The following ACACB variants were observed in gnomAD, a reference collection of about 807,000 sequenced individuals.
The protein encoded by ACACB is acetyl-CoA carboxylase beta.
Under a neutral mutation model 278.8 loss-of-function variants are expected in ACACB, and 209 were observed. That is an observed-to-expected ratio of 0.75 (90% CI 0.67 to 0.84). The LOEUF (loss-of-function observed/expected upper bound fraction) is 0.84, where lower values mean the gene tolerates loss of function less well. Among genes scored for constraint, ACACB ranks in the 40% least tolerant of loss-of-function variants. The pLI, the probability that ACACB is intolerant of heterozygous loss-of-function variation, is 0.00. For missense variants in ACACB, 2,850 were observed against 3,269.0 expected (o/e 0.87, Z 3.13); for synonymous variants, 1,174 against 1,285.6 (o/e 0.91, Z 1.86).
chr12:109,200,773 G>A (rs2045306886), intron 18 of ACACB, among the ~76,000 whole-genome samples: 1 of 152,150 alleles, frequency 6.6e-6, no homozygotes. Flanking sequence ...AACAATAATA[G>A]CAATGAAAAT....
In ACACB at chr12:109,139,545, C is replaced by A. The variant is rs531976358; in HGVS notation, c.140C>A (p.Pro47His). Reference protein sequence around the residue: ...SEANLIPSQEPFPASDNSGET... With the variant: ...SEANLIPSQEHFPASDNSGET... ...GCAAACCTCATCCCGAGCCAGGAGC[C>A]CTTTCCAGCCTCTGATAACTCAGGG... The change falls in exon 2 of 53, where the codon CCC becomes CAC. Residue 47 changes from proline (P) to histidine (H), a missense_variant. Pro to His is a moderately conservative substitution (Grantham distance 77). Around this residue, in one of 3 missense-constraint regions of ACACB, gnomAD observed 2,265 missense variants for 2,561.3 expected, o/e 0.88. Coordinates refer to ENST00000338432, the MANE Select transcript of ACACB (RefSeq NM_001093.4). The A allele has an allele frequency of 4.5e-5, 72 of 1,614,110 alleles. No individual in the cohort carries two copies. Among genetic ancestry groups the A allele is most frequent in the Non-Finnish European group, 5.9e-5 (70 of 1,180,016 alleles).
intron 1 of ACACB, among the ~76,000 whole-genome samples, chr12:109,136,809 C>T (rs1173168757): frequency 6.6e-6 from 1 of 152,124 alleles, no homozygotes; most frequent in Non-Finnish European, 1.5e-5. Context: ...GGTGGCTTTA[C>T]TTCTTCCTTC....
intron 28 of ACACB, among the ~76,000 whole-genome samples, chr12:109,232,463 T>C (rs1168090815): frequency 1.3e-5 from 2 of 152,204 alleles, no homozygotes; most frequent in African/African-American, 2.4e-5. Flanking sequence ...TGTTGAGCTC[T>C]TACTCTTCAC....
At chr12:109,122,755 C>T (rs1409733911) in intron 1 of ACACB, among the ~76,000 whole-genome samples, 1 of 151,900 alleles carries the variant, frequency 6.6e-6, no homozygotes, top group Non-Finnish European at 1.5e-5. Context: ...TTAACACCTT[C>T]AGAAGCAGAG....
chr12:109,211,449 C>T (rs1404356201), intron 21 of ACACB, among the ~76,000 whole-genome samples: 1 of 142,524 alleles, frequency 7.0e-6, no homozygotes, highest in East Asian at 2.1e-4. Context: ...GATGGGTTTT[C>T]ACCATGTTGG....
intron 2 of ACACB, among the ~76,000 whole-genome samples, chr12:109,153,637 T>A (rs910597297): frequency 2.0e-5 from 3 of 152,214 alleles, no homozygotes; most frequent in Admixed American, 2.0e-4. Context: ...TTGCATTTAT[T>A]ACATTACTTG....
At chr12:109,212,519 T>C (rs1218263961) in intron 21 of ACACB, among the ~76,000 whole-genome samples, 2 of 151,978 alleles carry the variant, frequency 1.3e-5, no homozygotes, top group Non-Finnish European at 2.9e-5. Flanking sequence ...GGCCTTAGAT[T>C]ATCGTAACGA....
intron 2 of ACACB, among the ~76,000 whole-genome samples, chr12:109,158,034 A>G (rs1377774133): frequency 6.6e-6 from 1 of 152,110 alleles, no homozygotes; most frequent in African/African-American, 2.4e-5. Context: ...GATTTTTGAA[A>G]AATCTGGATG....
At chr12:109,112,374 G>A (rs190169617), upstream of ACACB, among the ~76,000 whole-genome samples, 1 of 151,658 alleles carries the variant, frequency 6.6e-6, no homozygotes, top group East Asian at 1.9e-4. Context: ...CTGGGTCCAT[G>A]ACCCTCCAAA....
At chr12:109,158,240 T>G (rs2043605988) in intron 2 of ACACB, among the ~76,000 whole-genome samples, 1 of 152,232 alleles carries the variant, frequency 6.6e-6, no homozygotes, top group South Asian at 2.1e-4. Flanking sequence ...CTCTGCTGTT[T>G]CCTGCACCAG....
chr12:109,167,106 G>C (rs578166176), intron 3 of ACACB, 113 bp downstream of exon 3: 6 of 1,426,936 alleles, frequency 4.2e-6, no homozygotes, highest in African/African-American at 2.8e-5. Context: ...CTGCAGAGAG[G>C]GGGTGAGGGC....
intron 1 of ACACB, among the ~76,000 whole-genome samples, chr12:109,130,813 C>T (rs918382896): frequency 3.9e-5 from 6 of 152,098 alleles, no homozygotes; most frequent in Non-Finnish European, 7.3e-5. Context: ...CTCTTTGTCC[C>T]GATACTGTTG....
intron 15 of ACACB, among the ~76,000 whole-genome samples, chr12:109,192,945 G>A (rs556673412): frequency 6.6e-5 from 10 of 152,304 alleles, no homozygotes; most frequent in African/African-American, 1.7e-4. Context: ...GATTATAGGC[G>A]TGAGCCACTG....
At chr12:109,211,185 T>G (rs1395367256) in intron 21 of ACACB, among the ~76,000 whole-genome samples, 1 of 151,810 alleles carries the variant, frequency 6.6e-6, no homozygotes, top group East Asian at 1.9e-4. Flanking sequence ...CAGAGGACAG[T>G]GTAGTTCAGG....
Position 109,209,347 on chromosome 12 carries a change from C to A in ACACB, c.3243C>A (p.Ser1081Arg), listed in dbSNP as rs954256087. 3 of 1,608,968 alleles carry A rather than the reference C, an allele frequency of 1.9e-6. No homozygotes were observed. The highest frequency in any genetic ancestry group is 2.5e-6 in the Non-Finnish European group (3 of 1,177,962). Reference protein sequence around the residue: ...NITSVLCQFPSQQIATILDCH... With the variant: ...NITSVLCQFPRQQIATILDCH... ...CCTCGGTGCTGTGCCAGTTCCCCAG[C>A]CAGCAGGTGCGTGCTCCCCTGCCCA... is the stretch of plus-strand genomic sequence containing the variant. The change falls in exon 21 of 53, where the codon AGC becomes AGA. Residue 1081 changes from serine (S) to arginine (R), a missense_variant. Ser to Arg is a moderately radical substitution (Grantham distance 110, BLOSUM62 -1). Coordinates refer to ENST00000338432, the MANE Select transcript of ACACB (RefSeq NM_001093.4).
At chr12:109,144,040 A>G (rs1448566980) in intron 2 of ACACB, among the ~76,000 whole-genome samples, 4 of 151,950 alleles carry the variant, frequency 2.6e-5, no homozygotes, top group Non-Finnish European at 5.9e-5. Context: ...AGGCCAGGTA[A>G]GGTGGCTCAC....
intron 2 of ACACB, among the ~76,000 whole-genome samples, chr12:109,161,232 G>T (rs903427900): frequency 6.6e-6 from 1 of 152,078 alleles, no homozygotes; most frequent in Non-Finnish European, 1.5e-5. Context: ...AACATGATTG[G>T]TTGAAAACAA....
At chr12:109,255,819 ACT>A (rs2047210304) in intron 44 of ACACB, among the ~76,000 whole-genome samples, 1 of 151,998 alleles carries the variant, frequency 6.6e-6, no homozygotes, top group South Asian at 2.1e-4. Context: ...GTGTCTGTCC[ACT>A]CTCTGCATCT....
intron 15 of ACACB, among the ~76,000 whole-genome samples, chr12:109,193,215 GC>G (rs2044958174): frequency 9.2e-6 from 1 of 108,402 alleles, no homozygotes; most frequent in African/African-American, 3.8e-5. Context: ...ATCAGATTTA[GC>G]CTTTTTTTTT....
Sources: gnomAD v4.1 joint callset for allele counts (sites outside exome capture counted in the v4.1 genomes callset) on GRCh38, gnomAD v4.1.1 for gene constraint, gnomAD v4.1.1 regional missense constraint, MANE v1.5 for transcripts, NCBI Gene and HGNC (gene_info 2026-07-23, HGNC 2026-07-21) for gene names.